Variants in PCNP observed in about 807,000 individuals in gnomAD.
The protein encoded by PCNP is PEST proteolytic signal-containing nuclear protein.
In PCNP, 6 loss-of-function variants were observed where a neutral mutation model predicts 21.8. The observed-to-expected ratio is 0.28, with a 90% CI of 0.15 to 0.54. PCNP has a LOEUF of 0.54. Among genes scored for constraint, PCNP ranks in the 20% least tolerant of loss-of-function variants. The pLI is 0.95. For missense variants in PCNP, 161 were observed against 215.5 expected (o/e 0.75, Z 1.58); for synonymous variants, 67 against 73.2 (o/e 0.92, Z 0.43).
Position 101,590,286 on chromosome 3 carries a change from A to G in PCNP, c.410+16A>G, listed in dbSNP as rs755401875. The G allele has an allele frequency of 1.0e-5, 13 of 1,268,324 alleles. No homozygotes were observed. The South Asian group carries it at 1.4e-4, about 13-fold the overall frequency. 78.6% of individuals were successfully genotyped at this position (1,268,324 alleles called of 1,614,324 possible). On this transcript the variant is annotated intron_variant, in intron 4 of 4. Transcript: ENST00000265260. The stretch of plus-strand genomic sequence containing the variant: ...ATATTGGAAGGTATTATAATTTTTC[A>G]TAAATATTATAGAAAGATACAAAGG...
chr3:101,586,567 T>A (rs1935521553), intron 3 of PCNP, among the ~76,000 whole-genome samples: 1 of 138,634 alleles, frequency 7.2e-6, no homozygotes, highest in South Asian at 2.2e-4. Flanking sequence ...TGTGTGTGTG[T>A]GTGTGAGAGA....
chr3:101,580,919 C>T (rs1205390353), intron 2 of PCNP, among the ~76,000 whole-genome samples: 1 of 152,146 alleles, frequency 6.6e-6, no homozygotes, highest in Non-Finnish European at 1.5e-5. Context: ...GGAGAAAAAT[C>T]CTAAAATTGC....
At chr3:101,585,922 G>T (rs1283764103) in intron 3 of PCNP, among the ~76,000 whole-genome samples, 1 of 152,126 alleles carries the variant, frequency 6.6e-6, no homozygotes, top group Non-Finnish European at 1.5e-5. Flanking sequence ...TGTAAGCCTA[G>T]CTCTTTGGGA....
chr3:101,590,861 A>G (rs1348038634), intron 4 of PCNP, among the ~76,000 whole-genome samples: 1 of 151,994 alleles, frequency 6.6e-6, no homozygotes, highest in Non-Finnish European at 1.5e-5. Flanking sequence ...TTTTTCAAAT[A>G]AGAAATAGCT....
intron 2 of PCNP, among the ~76,000 whole-genome samples, chr3:101,583,580 C>T (rs1428274277): frequency 6.6e-6 from 1 of 152,134 alleles, no homozygotes; most frequent in Non-Finnish European, 1.5e-5. Flanking sequence ...TGCACCACTG[C>T]ACTCCATCCT....
chr3:101,585,244 A>G (rs1236216645), intron 2 of PCNP, among the ~76,000 whole-genome samples, 193 bp from the exon 3 acceptor site: 1 of 152,216 alleles, frequency 6.6e-6, no homozygotes, highest in East Asian at 1.9e-4. Flanking sequence ...CAAGTTAGTA[A>G]AGTAAAACAT....
At chr3:101,574,589 G>T (rs1576599847) in intron 1 of PCNP, among the ~76,000 whole-genome samples, 1 of 152,038 alleles carries the variant, frequency 6.6e-6, no homozygotes, top group Non-Finnish European at 1.5e-5. Context: ...CAGGAGCGGC[G>T]GTGCAGGAGC....
intron 1 of PCNP, among the ~76,000 whole-genome samples, chr3:101,576,078 AC>A (rs1210790583): frequency 6.6e-6 from 1 of 152,190 alleles, no homozygotes; most frequent in African/African-American, 2.4e-5. Flanking sequence ...AATATGTCAT[AC>A]CATGGATATT....
At chr3:101,585,278 GAA>G (rs1332335579) in intron 2 of PCNP, among the ~76,000 whole-genome samples, 157 bp from the exon 3 acceptor site, 1 of 152,166 alleles carries the variant, frequency 6.6e-6, no homozygotes, top group African/African-American at 2.4e-5. Flanking sequence ...CCACATTTTT[GAA>G]AAGAGAGAAT....
intron 1 of PCNP, among the ~76,000 whole-genome samples, chr3:101,578,565 T>C (rs1258116886): frequency 6.6e-6 from 1 of 152,254 alleles, no homozygotes; most frequent in Non-Finnish European, 1.5e-5. Flanking sequence ...TTACAACTTT[T>C]ACTCCTTGTC....
At chr3:101,577,115 G>A (rs1223686081) in intron 1 of PCNP, among the ~76,000 whole-genome samples, 2 of 152,160 alleles carry the variant, frequency 1.3e-5, no homozygotes, top group East Asian at 1.9e-4. Context: ...GTCAGCCACC[G>A]CGCCCGGCCA....
At chr3:101,590,384 T>A in intron 4 of PCNP, 114 bp downstream of exon 4, 2 of 644,204 alleles carry the variant, frequency 3.1e-6, no homozygotes, top group Non-Finnish European at 5.6e-6. Context: ...GCAGAACAGT[T>A]TTTAAAAGCA....
intron 4 of PCNP, among the ~76,000 whole-genome samples, chr3:101,590,819 G>A (rs2108292867): frequency 6.6e-6 from 1 of 152,230 alleles, no homozygotes; most frequent in East Asian, 1.9e-4. Flanking sequence ...AAAGTGCTGG[G>A]ATTACAGGTG....
At chr3:101,587,713 T>C (rs577550711) in intron 3 of PCNP, among the ~76,000 whole-genome samples, 10 of 151,786 alleles carry the variant, frequency 6.6e-5, no homozygotes, top group Non-Finnish European at 1.2e-4. Flanking sequence ...AGCACTAACT[T>C]AAATAATATT....
At chr3:101,582,317 G>A (rs1576611909) in intron 2 of PCNP, among the ~76,000 whole-genome samples, 1 of 152,118 alleles carries the variant, frequency 6.6e-6, no homozygotes, top group East Asian at 1.9e-4. Flanking sequence ...GCTGGGTGTG[G>A]TGGCGGGCGC....
chr3:101,577,198 GT>G (rs932366594), intron 1 of PCNP, among the ~76,000 whole-genome samples: 3 of 151,738 alleles, frequency 2.0e-5, no homozygotes, highest in Non-Finnish European at 4.4e-5. Flanking sequence ...AAAATTGGTA[GT>G]TTTTTTTTCT....
At position 101,594,414 on chromosome 3, in the gene PCNP, TAC is replaced by T. The variant is rs907270206; in HGVS notation, c.*1662_*1663del. On this transcript the variant is annotated 3_prime_UTR_variant, in exon 5 of 5. Coordinates refer to ENST00000265260, the MANE Select transcript of PCNP (RefSeq NM_020357.3). Reference sequence around the variant, plus strand: ...ACTGAGATGAATGTCTTTACTAAAGTACCAATAAATTTGTCAAACTCAATAGT... The same window carrying T: ...ACTGAGATGAATGTCTTTACTAAAGTCAATAAATTTGTCAAACTCAATAGT... 6.6e-6 allele frequency: 1 copy of T among 152,504 alleles called. No homozygotes were observed. The highest frequency in any genetic ancestry group is 6.5e-5 in the Admixed American group (1 of 15,282). 9.4% of individuals were successfully genotyped at this position (152,504 alleles called of 1,614,324 possible).
At chr3:101,577,959 C>T (rs1935015746) in intron 1 of PCNP, among the ~76,000 whole-genome samples, 2 of 152,136 alleles carry the variant, frequency 1.3e-5, no homozygotes, top group South Asian at 2.1e-4. Flanking sequence ...TTTATTTGCT[C>T]AGAGTACAAA....
chr3:101,586,571 T>TGTGTGTGTGTGTGTGA, intron 3 of PCNP, among the ~76,000 whole-genome samples: 14 of 114,200 alleles, frequency 1.2e-4, no homozygotes, highest in East Asian at 4.8e-4. Flanking sequence ...TGTGTGTGTG[T>TGTGTGTGTGTGTGTGA]GAGAGAGAGA....
Sources: gnomAD v4.1 joint callset for allele counts (sites outside exome capture counted in the v4.1 genomes callset) on GRCh38, gnomAD v4.1.1 for gene constraint, MANE v1.5 for transcripts, NCBI Gene and HGNC (gene_info 2026-07-23, HGNC 2026-07-21) for gene names.